TFDP2: variants seen among roughly 807,000 people sequenced by gnomAD.
TFDP2 encodes transcription factor Dp-2 (E2F dimerization partner 2).
TFDP2 carries 17 observed loss-of-function variants against 59.3 expected under a neutral mutation model. The ratio of observed to expected loss-of-function variants is 0.29; its 90% CI spans 0.20 to 0.43. The LOEUF is 0.43. Among genes scored for constraint, TFDP2 ranks in the 20% least tolerant of loss-of-function variants. The pLI is 1.00. For synonymous variants in TFDP2, 180 were observed against 194.7 expected, an observed-to-expected ratio of 0.92 and a Z score of 0.63; for missense variants, 391 against 528.8, an observed-to-expected ratio of 0.74 and a Z score of 2.56.
Position 142,036,366 on chromosome 3 carries a change from G to A in TFDP2, c.83-30822C>T, listed in dbSNP as rs573050648. 9.2e-5 allele frequency among the ~76,000 whole-genome samples: 14 copies of A among 152,236 alleles called. No homozygotes were observed. The East Asian group carries it at 2.7e-3, about 29-fold the overall frequency. ...TTATCCTCCAAAACCCATAGAAAAT[G>A]TCACCTCCTTAGTTAAGATATTCAC... is the stretch of plus-strand genomic sequence containing the variant. On this transcript the variant is annotated intron_variant, in intron 3 of 12. Transcript: ENST00000489671.
intron 3 of TFDP2, among the ~76,000 whole-genome samples, chr3:142,074,528 T>C (rs762101423): frequency 2.0e-5 from 3 of 150,822 alleles, no homozygotes; most frequent in African/African-American, 4.9e-5. Context: ...ACCTGGGCAA[T>C]AGAGCAAGAC....
At chr3:142,013,515 C>T (rs565555114) in intron 3 of TFDP2, among the ~76,000 whole-genome samples, 19 of 152,268 alleles carry the variant, frequency 1.2e-4, no homozygotes, top group African/African-American at 4.6e-4. Context: ...AATAGGAGCT[C>T]GACACTGTCC....
chr3:142,113,887 G>A (rs1193009812), intron 1 of TFDP2, among the ~76,000 whole-genome samples: 3 of 152,130 alleles, frequency 2.0e-5, no homozygotes, highest in Non-Finnish European at 4.4e-5. Flanking sequence ...GAATAGGGCC[G>A]GGCGGGGTGG....
chr3:142,082,172 G>A (rs1045932744), intron 3 of TFDP2, among the ~76,000 whole-genome samples: 1 of 152,174 alleles, frequency 6.6e-6, no homozygotes, highest in African/African-American at 2.4e-5. Context: ...CTGTGCATGT[G>A]AGGGATCTAA....
chr3:142,062,588 T>C (rs1284546338), intron 3 of TFDP2, among the ~76,000 whole-genome samples: 2 of 151,796 alleles, frequency 1.3e-5, no homozygotes, highest in African/African-American at 4.8e-5. Flanking sequence ...TTGAGAAAAA[T>C]CATCTGGGAG....
intron 7 of TFDP2, among the ~76,000 whole-genome samples, chr3:141,975,643 A>C (rs1940521246): frequency 6.6e-6 from 1 of 151,252 alleles, no homozygotes; most frequent in African/African-American, 2.4e-5. Flanking sequence ...GCAGTGAGCC[A>C]AGATTGAGCC....
In TFDP2 at chr3:141,952,343, C is replaced by A. The variant is rs930572948; in HGVS notation, c.*170G>T. ...CTTTCATTCACACTATGTTAACTTTCATCTCAATCATCTCAGCCTTCATGT... is the reference window on the plus strand; with the variant it reads ...CTTTCATTCACACTATGTTAACTTTAATCTCAATCATCTCAGCCTTCATGT... On this transcript the variant is annotated 3_prime_UTR_variant, in exon 13 of 13. Coordinates refer to ENST00000489671, the MANE Select transcript of TFDP2 (RefSeq NM_001178139.2). The A allele has an allele frequency of 3.2e-5, 18 of 563,686 alleles. No individual in the cohort carries two copies. The African/African-American group carries it at 3.5e-4, about 11-fold the overall frequency. The allele number at this position is 563,686 out of a possible 1,614,324, so 34.9% of individuals were successfully genotyped here.
At chr3:142,077,424 T>C (rs1409882351) in intron 3 of TFDP2, among the ~76,000 whole-genome samples, 2 of 152,036 alleles carry the variant, frequency 1.3e-5, no homozygotes, top group East Asian at 3.9e-4. Flanking sequence ...AGACACTCCT[T>C]CTTTCTGCTT....
intron 6 of TFDP2, among the ~76,000 whole-genome samples, chr3:141,988,551 C>T (rs1282372638): frequency 6.6e-6 from 1 of 152,100 alleles, no homozygotes; most frequent in African/African-American, 2.4e-5. Flanking sequence ...TCAAATAACA[C>T]AATCCCAGCT....
chr3:142,123,957 T>C (rs1223831909), intron 1 of TFDP2, among the ~76,000 whole-genome samples: 1 of 151,986 alleles, frequency 6.6e-6, no homozygotes, highest in Non-Finnish European at 1.5e-5. Context: ...CCCCCCAAAT[T>C]AGCAGCTTAC....
chr3:141,982,061 T>A (rs1217839636), intron 6 of TFDP2, among the ~76,000 whole-genome samples: 2 of 152,178 alleles, frequency 1.3e-5, no homozygotes, highest in African/African-American at 4.8e-5. Flanking sequence ...CACATGTGGC[T>A]ATTGAATACT....
At position 142,149,284 on chromosome 3, in the gene TFDP2, G is replaced by T. The variant is rs1373858345; in HGVS notation, c.-194C>A. The T allele has an allele frequency of 1.0e-5, 4 of 396,216 alleles. No homozygotes were observed. The highest frequency in any genetic ancestry group is 1.8e-5 in the Non-Finnish European group (4 of 224,558). The allele number at this position is 396,216 out of a possible 1,614,324, so 24.5% of individuals were successfully genotyped here. A position where few individuals can be genotyped will look rare whatever the true frequency, so the allele number is the denominator to read the frequency against. The stretch of plus-strand genomic sequence containing the variant: ...GCTTCTGTGGCGCCCGCGCTTAGGC[G>T]GCGGCCGGGTCCCGGTGGACTCACA... On this transcript the variant is annotated 5_prime_UTR_variant, in exon 1 of 13. Transcript: ENST00000489671.
In TFDP2 at chr3:142,026,914, A is replaced by G. The variant is rs535655548; in HGVS notation, c.83-21370T>C. Among the ~76,000 whole-genome samples the G allele has an allele frequency of 2.7e-4, 41 of 152,328 alleles. No individual in the cohort carries two copies. The South Asian group carries it at 7.5e-3, about 28-fold the overall frequency. On this transcript the variant is annotated intron_variant, in intron 3 of 12. Transcript: ENST00000489671. ...AGGCAAACTGCAACATATCATTTCA[A>G]TTAAACCCAAAATATTACTCCCATA...
intron 9 of TFDP2, among the ~76,000 whole-genome samples, chr3:141,967,978 C>G (rs1938392465): frequency 6.6e-6 from 1 of 151,766 alleles, no homozygotes; most frequent in African/African-American, 2.4e-5. Context: ...AAAAATTAAG[C>G]TCCAAAATGT....
chr3:142,027,621 T>C (rs1330794825), intron 3 of TFDP2, among the ~76,000 whole-genome samples: 7 of 152,192 alleles, frequency 4.6e-5, no homozygotes, highest in South Asian at 2.1e-4. Flanking sequence ...CACTTCCTTA[T>C]TGAACTTCAA....
At chr3:142,132,813 G>A (rs750600409) in intron 1 of TFDP2, among the ~76,000 whole-genome samples, 12 of 141,820 alleles carry the variant, frequency 8.5e-5, no homozygotes, top group South Asian at 2.2e-4. Context: ...AAAAAAAACC[G>A]TATGAGGAAA....
chr3:141,968,937 C>T lies in TFDP2; in HGVS notation c.732+1136G>A, dbSNP rs1357256885. On this transcript the variant is annotated intron_variant, in intron 9 of 12. Transcript: ENST00000489671. ...AGATATATATAACACATATATATCTCATATATATAGATATATATAACACAT... is the reference window on the plus strand; with the variant it reads ...AGATATATATAACACATATATATCTTATATATATAGATATATATAACACAT... Among the ~76,000 whole-genome samples, 13 of 93,544 alleles carry T rather than the reference C, an allele frequency of 1.4e-4. 1 individual carries two copies. The highest frequency in any genetic ancestry group is 2.2e-4 in the Non-Finnish European group (11 of 49,722). The allele number at this position is 93,544 out of a possible 152,430, so 61.4% of individuals were successfully genotyped here.
At chr3:142,051,187 T>G (rs993147022) in intron 3 of TFDP2, among the ~76,000 whole-genome samples, 1 of 152,200 alleles carries the variant, frequency 6.6e-6, no homozygotes, top group Non-Finnish European at 1.5e-5. Flanking sequence ...GCACCATCCC[T>G]GGCCTCTACC....
At chr3:142,015,966 G>A (rs965553674) in intron 3 of TFDP2, among the ~76,000 whole-genome samples, 4 of 152,036 alleles carry the variant, frequency 2.6e-5, no homozygotes, top group Admixed American at 2.0e-4. Context: ...TAAAATATCT[G>A]ACTAATAATG....
Sources: allele counts gnomAD v4.1 joint callset (sites outside exome capture counted in the v4.1 genomes callset), GRCh38; gene constraint gnomAD v4.1.1; transcripts MANE v1.5; gene names NCBI Gene and HGNC (gene_info 2026-07-23, HGNC 2026-07-21).